The following RBFOX1 variants were observed in gnomAD, a reference collection of about 807,000 sequenced individuals.
RBFOX1 encodes the protein RNA binding protein fox-1 homolog 1.
In RBFOX1, 8 loss-of-function variants were observed where a neutral mutation model predicts 57.7. The ratio of observed to expected loss-of-function variants is 0.14; its 90% CI spans 0.08 to 0.25. The LOEUF (loss-of-function observed/expected upper bound fraction) is 0.25. RBFOX1 is among the 10% of genes least tolerant of loss of function. The pLI, the probability that RBFOX1 is intolerant of heterozygous loss-of-function variation, is 1.00. For synonymous variants in RBFOX1, 326 were observed against 222.4 expected, an observed-to-expected ratio of 1.47 and a Z score of -4.15; for missense variants, 611 against 548.5, an observed-to-expected ratio of 1.11 and a Z score of -1.14.
At chr16:7,399,947 C>A (rs956190510) in intron 4 of RBFOX1, among the ~76,000 whole-genome samples, 1 of 152,138 alleles carries the variant, frequency 6.6e-6, no homozygotes, top group South Asian at 2.1e-4. Context: ...TGGGCGATGA[C>A]TATGTACCAG....
chr16:7,119,263 T>C (rs1304074087), intron 4 of RBFOX1, among the ~76,000 whole-genome samples: 1 of 152,142 alleles, frequency 6.6e-6, no homozygotes, highest in African/African-American at 2.4e-5. Context: ...CATATGCATG[T>C]GTGTTTGTGT....
chr16:7,494,742 T>A (rs2068025740), intron 4 of RBFOX1, among the ~76,000 whole-genome samples: 1 of 151,766 alleles, frequency 6.6e-6, no homozygotes, highest in Non-Finnish European at 1.5e-5. Context: ...GCCTTCTGAG[T>A]CTGGAAGTGG....
intron 4 of RBFOX1, among the ~76,000 whole-genome samples, chr16:7,119,402 A>G (rs1176942910): frequency 1.3e-5 from 2 of 152,074 alleles, no homozygotes; most frequent in East Asian, 1.9e-4. Flanking sequence ...ACAATAAACG[A>G]GCTATCTTAA....
intron 4 of RBFOX1, among the ~76,000 whole-genome samples, chr16:7,161,385 T>A (rs557323304): frequency 3.6e-4 from 55 of 152,350 alleles, no homozygotes; most frequent in African/African-American, 1.3e-3. Context: ...ATCATATATT[T>A]GCTAAATACA....
chr16:6,208,561 A>G (rs1021058761), intron 1 of RBFOX1, among the ~76,000 whole-genome samples: 1 of 152,144 alleles, frequency 6.6e-6, no homozygotes, highest in Non-Finnish European at 1.5e-5. Flanking sequence ...TCTCCCCTTT[A>G]TCTTACAAAG....
intron 2 of RBFOX1, among the ~76,000 whole-genome samples, chr16:6,341,372 G>A (rs1230767488): frequency 6.6e-6 from 1 of 152,044 alleles, no homozygotes; most frequent in South Asian, 2.1e-4. Context: ...TCTCCATCTT[G>A]TATAGGAGAT....
intron 4 of RBFOX1, among the ~76,000 whole-genome samples, chr16:7,501,779 T>A (rs2070969155): frequency 6.6e-6 from 1 of 152,246 alleles, no homozygotes; most frequent in Admixed American, 6.5e-5. Context: ...AAACCTTACC[T>A]GATAAATCAT....
intron 3 of RBFOX1, among the ~76,000 whole-genome samples, chr16:7,006,506 G>A (rs1355218435): frequency 6.6e-6 from 1 of 152,046 alleles, no homozygotes; most frequent in Non-Finnish European, 1.5e-5. Flanking sequence ...CTGGAATGGA[G>A]TGATATGATC....
chr16:6,387,192 G>C (rs934279014), intron 2 of RBFOX1, among the ~76,000 whole-genome samples: 1 of 152,176 alleles, frequency 6.6e-6, no homozygotes, highest in African/African-American at 2.4e-5. Context: ...GGCAGTTCTT[G>C]TAAGTTCAAC....
At chr16:7,600,515 G>A (rs1185791825) in intron 9 of RBFOX1, among the ~76,000 whole-genome samples, 7 of 152,150 alleles carry the variant, frequency 4.6e-5, no homozygotes, top group African/African-American at 1.2e-4. Flanking sequence ...AGGGTAAGTC[G>A]GGACCAATAA....
chr16:5,777,146 A>G (rs967405538), intron 3 of RBFOX1, among the ~76,000 whole-genome samples: 2 of 152,166 alleles, frequency 1.3e-5, no homozygotes, highest in African/African-American at 4.8e-5. Flanking sequence ...TCTGGAGGTC[A>G]CAAGTCCCAA....
intron 3 of RBFOX1, among the ~76,000 whole-genome samples, chr16:6,871,835 C>CT (rs1270449017): frequency 6.6e-6 from 1 of 151,828 alleles, no homozygotes; most frequent in Non-Finnish European, 1.5e-5. Flanking sequence ...GCAGTTGCTG[C>CT]TTAGCCTATC....
intron 4 of RBFOX1, among the ~76,000 whole-genome samples, chr16:5,949,914 A>C (rs187258647): frequency 1.3e-5 from 2 of 152,308 alleles, no homozygotes; most frequent in East Asian, 3.9e-4. Context: ...TCTGTCTCAT[A>C]ATCTGGGCCT....
chr16:6,825,476 G>C lies in RBFOX1; in HGVS notation c.-16+170826G>C, dbSNP rs532683733. Among the ~76,000 whole-genome samples the C allele has an allele frequency of 2.6e-4, 40 of 152,270 alleles. 1 individual carries two copies. The highest frequency in any genetic ancestry group is 6.2e-4 in the South Asian group (3 of 4,820). ...AATAACGACAGGAAAAGGGAGTTGT[G>C]TGTTTAGAACAAACAAGCTGAGAAC... On this transcript the variant is annotated intron_variant, in intron 3 of 15. Coordinates refer to ENST00000550418, the MANE Select transcript of RBFOX1 (RefSeq NM_018723.4).
At position 6,465,115 on chromosome 16, in the gene RBFOX1, C is replaced by G. The variant is rs895103064; in HGVS notation, c.-64+148058C>G. 5.9e-5 allele frequency among the ~76,000 whole-genome samples: 9 copies of G among 152,174 alleles called. 1 individual carries two copies. In the South Asian group the frequency reaches 6.2e-4, roughly 11 times the overall value. ...ATGTGTAAACATTGTTCTTATGGAACTGCTGATTATTATTATTAATCTCCA... is the reference window on the plus strand; with the variant it reads ...ATGTGTAAACATTGTTCTTATGGAAGTGCTGATTATTATTATTAATCTCCA... On this transcript the variant is annotated intron_variant, in intron 2 of 15. Transcript: ENST00000550418.
chr16:6,709,023 C>T (rs928904050), intron 3 of RBFOX1, among the ~76,000 whole-genome samples: 1 of 151,810 alleles, frequency 6.6e-6, no homozygotes, highest in Non-Finnish European at 1.5e-5. Context: ...TGCCTCTTTG[C>T]TAATTACACC....
intron 1 of RBFOX1, among the ~76,000 whole-genome samples, chr16:6,172,421 A>T (rs928752965): frequency 6.6e-5 from 10 of 152,100 alleles, no homozygotes; most frequent in Admixed American, 5.9e-4. Context: ...CTGTGAGCAA[A>T]CCCTTGGTGT....
At chr16:7,630,389 G>A (rs965011037) in intron 10 of RBFOX1, among the ~76,000 whole-genome samples, 2 of 151,652 alleles carry the variant, frequency 1.3e-5, no homozygotes, top group Non-Finnish European at 2.9e-5. Flanking sequence ...GAAAAGTCAT[G>A]ACGTGTGCTT....
chr16:5,410,116 C>T (rs977521901), intron 1 of RBFOX1, among the ~76,000 whole-genome samples: 5 of 151,052 alleles, frequency 3.3e-5, no homozygotes, highest in African/African-American at 9.8e-5. Flanking sequence ...GTAATGCCTG[C>T]GCTTTGGGAG....
Sources: gnomAD v4.1 joint callset for allele counts (sites outside exome capture counted in the v4.1 genomes callset) on GRCh38, gnomAD v4.1.1 for gene constraint, MANE v1.5 for transcripts, NCBI Gene and HGNC (gene_info 2026-07-23, HGNC 2026-07-21) for gene names.